Variants in PLEKHA7 observed in about 807,000 individuals in gnomAD.
The protein encoded by PLEKHA7 is pleckstrin homology domain containing A7, also known as pleckstrin homology domain-containing family A member 7.
A neutral mutation model predicts 170.0 loss-of-function variants in PLEKHA7; 104 were observed. The observed-to-expected ratio is 0.61, with a 90% CI of 0.52 to 0.72. The LOEUF is 0.72. Ranked by LOEUF, PLEKHA7 falls within the 30% of genes least tolerant of loss-of-function variation. The pLI is 0.00. For missense variants in PLEKHA7, 1,615 were observed against 1,671.7 expected (o/e 0.97, Z 0.59); for synonymous variants, 648 against 660.8 (o/e 0.98, Z 0.30).
chr11:16,960,081 G>A (rs528168077), intron 3 of PLEKHA7, among the ~76,000 whole-genome samples: 1 of 152,262 alleles, frequency 6.6e-6, no homozygotes, highest in Admixed American at 6.5e-5. Flanking sequence ...GTGCACACAC[G>A]CCTCCACATC....
chr11:16,889,532 G>C (rs1380209834), intron 3 of PLEKHA7, among the ~76,000 whole-genome samples: 2 of 149,558 alleles, frequency 1.3e-5, no homozygotes, highest in African/African-American at 4.9e-5. Context: ...AGCTTGCAAA[G>C]TTGAAGCTGC....
chr11:16,855,931 G>C lies in PLEKHA7; in HGVS notation c.306-17C>G, dbSNP rs996778685. The C allele has an allele frequency of 1.3e-6, 2 of 1,587,556 alleles. No homozygotes were observed. The highest frequency in any genetic ancestry group is 1.3e-5 in the African/African-American group (1 of 74,396). On this transcript the variant is annotated splice_polypyrimidine_tract_variant and intron_variant, in intron 4 of 26. Transcript: ENST00000531066. The stretch of plus-strand genomic sequence containing the variant: ...GGATTCGGCCTGTGAGGAGACAGGG[G>C]ATTCCAGTGAGTAAAAGCCGAGCTA...
chr11:16,836,974 C>T (rs532400776), intron 9 of PLEKHA7, among the ~76,000 whole-genome samples: 1 of 152,158 alleles, frequency 6.6e-6, no homozygotes, highest in East Asian at 1.9e-4. Flanking sequence ...CAGGAACCCG[C>T]CACCAAGCCC....
chr11:16,872,577 T>G (rs1854946975), intron 3 of PLEKHA7, among the ~76,000 whole-genome samples: 1 of 152,048 alleles, frequency 6.6e-6, no homozygotes, highest in Non-Finnish European at 1.5e-5. Flanking sequence ...GGGAATGCAG[T>G]GGGGTGATCA....
At chr11:16,794,753 A>G in intron 18 of PLEKHA7, 39 bp from the exon 19 acceptor site, 6 of 1,596,104 alleles carry the variant, frequency 3.8e-6, no homozygotes, top group South Asian at 2.2e-5. Context: ...GGGATGGAAC[A>G]AAGACCCCCT....
At chr11:17,004,302 C>T (rs978179661) in intron 3 of PLEKHA7, among the ~76,000 whole-genome samples, 1 of 152,118 alleles carries the variant, frequency 6.6e-6, no homozygotes, top group South Asian at 2.1e-4. Flanking sequence ...GTCTGAGAAG[C>T]CTGGATATGA....
intron 15 of PLEKHA7, 55 bp from the exon 16 acceptor site, chr11:16,801,872 T>C: frequency 6.2e-7 from 1 of 1,602,140 alleles, no homozygotes; most frequent in South Asian, 1.1e-5. Context: ...CCCAGAGGCC[T>C]CCCCATACCA....
intron 23 of PLEKHA7, chr11:16,786,637 C>T: frequency 1.0e-6 from 1 of 985,376 alleles, no homozygotes; most frequent in Non-Finnish European, 1.2e-6. Flanking sequence ...AGACTCATGA[C>T]TTCAGGCTCA....
At chr11:16,816,575 T>A (rs1590209327) in intron 11 of PLEKHA7, among the ~76,000 whole-genome samples, 1 of 152,208 alleles carries the variant, frequency 6.6e-6, no homozygotes, top group South Asian at 2.1e-4. Context: ...CTCAGAGTTC[T>A]CATCTTTGAA....
intron 13 of PLEKHA7, among the ~76,000 whole-genome samples, 194 bp downstream of exon 13, chr11:16,812,919 C>T (rs1414907434): frequency 6.6e-6 from 1 of 152,122 alleles, no homozygotes; most frequent in Non-Finnish European, 1.5e-5. Context: ...ACAAAATTCA[C>T]AAGAAACTGA....
intron 3 of PLEKHA7, among the ~76,000 whole-genome samples, chr11:16,917,962 C>T (rs557550373): frequency 6.6e-6 from 1 of 152,296 alleles, no homozygotes; most frequent in East Asian, 1.9e-4. Context: ...CACAAGGGGC[C>T]CTGAAAGTCA....
chr11:16,832,106 G>C (rs1357323650), intron 9 of PLEKHA7, among the ~76,000 whole-genome samples: 1 of 152,152 alleles, frequency 6.6e-6, no homozygotes, highest in African/African-American at 2.4e-5. Flanking sequence ...ATTGCAAAGT[G>C]ATAAAAATAA....
chr11:16,813,658 G>A (rs1462631556), intron 12 of PLEKHA7, among the ~76,000 whole-genome samples: 2 of 152,158 alleles, frequency 1.3e-5, no homozygotes, highest in Non-Finnish European at 2.9e-5. Flanking sequence ...TGACCCAGGA[G>A]GTCCCAATAC....
intron 3 of PLEKHA7, among the ~76,000 whole-genome samples, chr11:16,893,703 T>A (rs1201595893): frequency 2.6e-5 from 4 of 152,200 alleles, no homozygotes; most frequent in Non-Finnish European, 4.4e-5. Flanking sequence ...CAGCATGGAA[T>A]GACCCACATA....
intron 8 of PLEKHA7, 83 bp downstream of exon 8, chr11:16,851,108 C>A (rs1421376545): frequency 3.5e-6 from 4 of 1,128,520 alleles, no homozygotes; most frequent in South Asian, 2.0e-5. Flanking sequence ...CCCCTCCCGA[C>A]AAAAGCAACT....
intron 3 of PLEKHA7, among the ~76,000 whole-genome samples, chr11:16,895,356 CAT>C (rs1414835039): frequency 2.0e-5 from 3 of 152,180 alleles, no homozygotes; most frequent in African/African-American, 4.8e-5. Flanking sequence ...AAGAAGGTAA[CAT>C]AAAGAAATGG....
chr11:16,960,107 G>A lies in PLEKHA7; in HGVS notation c.221+53882C>T, dbSNP rs552252006. ...CCTCCACATCCACACAGGTTCTCAC[G>A]CCCTGCTCTGCTCCGGCTTCACTCT... On this transcript the variant is annotated intron_variant, in intron 3 of 26. Coordinates refer to ENST00000531066, the MANE Select transcript of PLEKHA7 (RefSeq NM_001329630.2). Among the ~76,000 whole-genome samples the A allele has an allele frequency of 1.9e-4, 29 of 152,230 alleles. 1 individual carries two copies. The South Asian group carries it at 5.6e-3, about 29-fold the overall frequency.
At chr11:16,957,765 A>G (rs1041559392) in intron 3 of PLEKHA7, among the ~76,000 whole-genome samples, 1 of 132,902 alleles carries the variant, frequency 7.5e-6, no homozygotes, top group African/African-American at 2.9e-5. Context: ...GTGCAATGGC[A>G]CAATCTCAGA....
At chr11:16,935,725 G>A (rs187337585) in intron 3 of PLEKHA7, among the ~76,000 whole-genome samples, 1 of 152,306 alleles carries the variant, frequency 6.6e-6, no homozygotes, top group Admixed American at 6.5e-5. Context: ...AATCCTGAAT[G>A]TTGCAATTAT....
Sources: allele counts gnomAD v4.1 joint callset (sites outside exome capture counted in the v4.1 genomes callset), GRCh38; gene constraint gnomAD v4.1.1; transcripts MANE v1.5; gene names NCBI Gene and HGNC (gene_info 2026-07-23, HGNC 2026-07-21).